Variants in ANK1 observed in about 807,000 individuals in gnomAD.
ANK1 encodes the protein ankyrin 1.
In ANK1, 51 loss-of-function variants were observed where a neutral mutation model predicts 210.4. The observed-to-expected ratio is 0.24, with a 90% CI of 0.19 to 0.31. ANK1 has a LOEUF of 0.31. Ranked by LOEUF, ANK1 falls within the 10% of genes least tolerant of loss-of-function variation. ANK1 has a pLI of 1.00. For missense variants in ANK1, 2,051 were observed against 2,504.4 expected (o/e 0.82, Z 3.86); for synonymous variants, 967 against 1,025.9 (o/e 0.94, Z 1.10).
intron 1 of ANK1, among the ~76,000 whole-genome samples, chr8:41,769,155 A>G (rs1586825299): frequency 6.6e-6 from 1 of 152,318 alleles, no homozygotes; most frequent in East Asian, 1.9e-4. Flanking sequence ...ACTCCTCCCC[A>G]TGGGGGTTAA....
chr8:41,896,004 C>A (rs1234077801), intron 1 of ANK1, among the ~76,000 whole-genome samples: 1 of 152,204 alleles, frequency 6.6e-6, no homozygotes, highest in Non-Finnish European at 1.5e-5. Context: ...CAGCCCACCA[C>A]CCGCAGCCGG....
chr8:41,828,284 G>T, intron 1 of ANK1: 1 of 154,404 alleles, frequency 6.5e-6, no homozygotes, highest in Non-Finnish European at 1.5e-5. Flanking sequence ...GCTGGGCTGT[G>T]GCCTCCACAC....
chr8:41,665,544 A>C (rs888208159), intron 39 of ANK1: 3 of 327,208 alleles, frequency 9.2e-6, no homozygotes, highest in Non-Finnish European at 1.8e-5. Context: ...TTCAGAAAAT[A>C]ATACAGTCCG....
chr8:41,665,342 G>A (rs150848796), intron 39 of ANK1: 8 of 1,263,302 alleles, frequency 6.3e-6, no homozygotes, highest in South Asian at 2.6e-5. Context: ...GTCCAACCGG[G>A]CTAGAAGGAA....
intron 1 of ANK1, among the ~76,000 whole-genome samples, chr8:41,825,974 G>C (rs529510556): frequency 1.3e-5 from 2 of 152,018 alleles, no homozygotes; most frequent in Admixed American, 1.3e-4. Flanking sequence ...ACCCAGTCTC[G>C]GGTATGTCTT....
chr8:41,830,090 T>C lies in ANK1; in HGVS notation c.126+66265A>G, dbSNP rs528543642. 6.6e-5 allele frequency among the ~76,000 whole-genome samples: 10 copies of C among 151,866 alleles called. No individual in the cohort carries two copies. The East Asian group carries it at 1.7e-3, about 26-fold the overall frequency. On this transcript the variant is annotated intron_variant, in intron 1 of 42. Transcript: ENST00000265709. The stretch of plus-strand genomic sequence containing the variant: ...AAATAATGATTTGGTGAATCTAATG[T>C]TGAGCCTGCAGTAATCCAACTAGAA...
At chr8:41,781,700 C>T (rs1022455189) in intron 1 of ANK1, among the ~76,000 whole-genome samples, 2 of 152,348 alleles carry the variant, frequency 1.3e-5, no homozygotes, top group Admixed American at 1.3e-4. Context: ...ATGGCTCCTC[C>T]CTGCCCTTCA....
At chr8:41,681,807 C>T (rs1816153109) in intron 37 of ANK1, among the ~76,000 whole-genome samples, 1 of 150,238 alleles carries the variant, frequency 6.7e-6, no homozygotes, top group Non-Finnish European at 1.5e-5. Flanking sequence ...CAGATGAGGG[C>T]CAGACTTTCT....
In ANK1 at chr8:41,714,146, C is replaced by T. The variant is rs753202839; in HGVS notation, c.1800+10G>A. 1.3e-5 allele frequency: 17 copies of T among 1,342,676 alleles called. No individual in the cohort carries two copies. Among genetic ancestry groups the T allele is most frequent in the Admixed American group, 5.4e-5 (2 of 36,920 alleles). 83.2% of individuals were successfully genotyped at this position (1,342,676 alleles called of 1,614,324 possible). ...CTCCAGGGGCAGCTGGGGAGAGGGG[C>T]GGGCCTTACCCAGGCAGGGCTGTGC... On this transcript the variant is annotated intron_variant, in intron 16 of 42. Transcript: ENST00000289734.
In ANK1 at chr8:41,694,585, C is replaced by A. The variant is rs1184827514; in HGVS notation, c.3327+7G>T. 6.2e-7 allele frequency: 1 copy of A among 1,611,592 alleles called. No homozygotes were observed. The highest frequency in any genetic ancestry group is 8.5e-7 in the Non-Finnish European group (1 of 1,179,568). On this transcript the variant is annotated splice_region_variant and intron_variant, in intron 28 of 42. Coordinates refer to ENST00000289734, the MANE Select transcript of ANK1 (RefSeq NM_000037.4). This position sits in a 1 kb window ranked among gnomAD's most constrained non-coding sequence, Gnocchi z 5.7. The stretch of plus-strand genomic sequence containing the variant: ...CCCCAGGACCTGGCGGGGAGGAGGG[C>A]TGTCACCTGCAGAGCCAGCTTCACT...
At chr8:41,664,902 T>A (rs759385306) in intron 39 of ANK1, 1 of 1,614,206 alleles carries the variant, frequency 6.2e-7, no homozygotes, top group South Asian at 1.1e-5. Flanking sequence ...CAGCTCCTGG[T>A]GGATGTGCTT....
chr8:41,732,878 C>T (rs966627359), intron 3 of ANK1, among the ~76,000 whole-genome samples: 1 of 152,188 alleles, frequency 6.6e-6, no homozygotes, highest in South Asian at 2.1e-4. Context: ...GCTGGGATTA[C>T]AGGCGCCCGC....
In ANK1 at chr8:41,664,020, A is replaced by C. The variant is rs1809481641; in HGVS notation, c.5395-278T>G. The stretch of plus-strand genomic sequence containing the variant: ...CCCTGGGAACCTGCAAAATGGGGGC[A>C]ATTATGCAAGTCTGACGGAGGAGGC... On this transcript the variant is annotated intron_variant, in intron 39 of 42. Transcript: ENST00000289734. 6.8e-6 allele frequency: 4 copies of C among 584,182 alleles called. No individual in the cohort carries two copies. The East Asian group carries it at 1.5e-4, about 22-fold the overall frequency. The allele number at this position is 584,182 out of a possible 1,614,324, so 36.2% of individuals were successfully genotyped here.
At chr8:41,859,277 C>A (rs1219175474) in intron 1 of ANK1, among the ~76,000 whole-genome samples, 1 of 152,194 alleles carries the variant, frequency 6.6e-6, no homozygotes, top group African/African-American at 2.4e-5. Flanking sequence ...TGGGCTTGGC[C>A]CTCCAACAAA....
intron 1 of ANK1, among the ~76,000 whole-genome samples, chr8:41,773,324 G>A (rs887434845): frequency 3.3e-5 from 5 of 152,110 alleles, no homozygotes; most frequent in African/African-American, 9.7e-5. Context: ...GGCAGCCCTG[G>A]AGTCTATTTT....
rs1169405974 is a variant in ANK1 at position 41,672,358 on chromosome 8, C to A, written c.5092G>T (p.Asp1698Tyr). Residue 1698 changes from aspartate (D) to tyrosine (Y), a missense_variant, in exon 38 of 43, where the codon GAC (aspartate) becomes TAC (tyrosine). Physicochemically the swap from Asp to Tyr is radical, Grantham distance 160. Transcript: ENST00000289734. ...CTCCCACAGTCAAGCTCTTACCTGT[C>A]CTGACTCCTCTCCGTCACCTGACTC... ...TVSQVTERSQDRLQDWDADGS... is the reference protein window; with the variant it reads ...TVSQVTERSQYRLQDWDADGS... The A allele has an allele frequency of 2.5e-6, 4 of 1,614,176 alleles. No homozygotes were observed. Among genetic ancestry groups the A allele is most frequent in the East Asian group, 2.2e-5 (1 of 44,886 alleles).
At chr8:41,775,114 G>A (rs531729717) in intron 1 of ANK1, among the ~76,000 whole-genome samples, 2 of 152,022 alleles carry the variant, frequency 1.3e-5, no homozygotes, top group Non-Finnish European at 2.9e-5. Context: ...GAACCCCATG[G>A]CTCCAGAGTT....
intron 2 of ANK1, among the ~76,000 whole-genome samples, chr8:41,750,321 G>T (rs564026807): frequency 6.6e-6 from 1 of 152,178 alleles, no homozygotes; most frequent in South Asian, 2.1e-4. Flanking sequence ...ACTGGAAATC[G>T]TGTATGCTTT....
intron 1 of ANK1, among the ~76,000 whole-genome samples, chr8:41,883,280 G>A (rs1032062843): frequency 1.3e-5 from 2 of 152,268 alleles, no homozygotes; most frequent in African/African-American, 2.4e-5. Flanking sequence ...TTGCATGTCC[G>A]TTCACACTCA....
Sources: gnomAD v4.1 joint callset for allele counts (sites outside exome capture counted in the v4.1 genomes callset) on GRCh38, gnomAD v4.1.1 for gene constraint, Gnocchi (gnomAD v3.1) non-coding constraint, MANE v1.5 for transcripts, NCBI Gene and HGNC (gene_info 2026-07-23, HGNC 2026-07-21) for gene names.